IGSF5: variants seen among roughly 807,000 people sequenced by gnomAD.
The protein encoded by IGSF5 is immunoglobulin superfamily 5 like.
IGSF5 carries 41 observed loss-of-function variants against 39.4 expected under a neutral mutation model. That is an observed-to-expected ratio of 1.04 (90% CI 0.81 to 1.35). IGSF5 has a LOEUF of 1.35. Among genes scored for constraint, IGSF5 ranks in the 40% most tolerant of loss-of-function variants. The pLI, the probability that IGSF5 is intolerant of heterozygous loss-of-function variation, is 0.00. For missense variants in IGSF5, 487 were observed against 494.6 expected, an observed-to-expected ratio of 0.98 and a Z score of 0.15; for synonymous variants, 183 against 175.3, an observed-to-expected ratio of 1.04 and a Z score of -0.34.
the IGSF5 span, among the ~76,000 whole-genome samples, chr21:39,719,926 C>T: frequency 6.6e-5 from 10 of 152,210 alleles, no homozygotes; most frequent in Non-Finnish European, 1.5e-4. Context: ...GGCAATTCGA[C>T]ATGTGGAAAC....
chr21:39,756,089 T>TCAAA (rs10533195), intron 2 of IGSF5, among the ~76,000 whole-genome samples: 17 of 151,354 alleles, frequency 1.1e-4, no homozygotes, highest in African/African-American at 3.9e-4. Context: ...GGACTCGGTC[T>TCAAA]CAAACAAACA....
chr21:39,739,662 C>T, the IGSF5 span, among the ~76,000 whole-genome samples: 2 of 152,094 alleles, frequency 1.3e-5, no homozygotes, highest in African/African-American at 4.8e-5. Context: ...CTAACTGCTT[C>T]CTGCTGGCCT....
chr21:39,760,736 A>C (rs2080057605), intron 2 of IGSF5, among the ~76,000 whole-genome samples: 1 of 152,048 alleles, frequency 6.6e-6, no homozygotes, highest in Non-Finnish European at 1.5e-5. Context: ...ACGCCCAGCT[A>C]ATTTTTTGTA....
intron 3 of IGSF5, among the ~76,000 whole-genome samples, chr21:39,767,572 T>C (rs2080093102): frequency 6.6e-6 from 1 of 152,222 alleles, no homozygotes; most frequent in South Asian, 2.1e-4. Context: ...ACCTGGCTCA[T>C]AGCAATCACT....
intron 4 of IGSF5, among the ~76,000 whole-genome samples, chr21:39,774,916 G>A (rs927677468): frequency 3.3e-5 from 5 of 152,178 alleles, no homozygotes; most frequent in Non-Finnish European, 4.4e-5. Flanking sequence ...AAACTTCAGG[G>A]CTCAGTTTTC....
At chr21:39,722,399 C>G in the IGSF5 span, 20,066 of 152,070 alleles carry the variant, frequency 0.13, 2,017 homozygotes, top group African/African-American at 0.27. Context: ...GATTTGGACA[C>G]TGAAATATGA....
At position 39,770,957 on chromosome 21, in the gene IGSF5, G is replaced by A. The variant is rs201139705; in HGVS notation, c.460G>A (p.Ala154Thr). 19 of 1,599,012 alleles carry A rather than the reference G, an allele frequency of 1.2e-5. No individual in the cohort carries two copies. Among genetic ancestry groups the A allele is most frequent in the African/African-American group, 9.4e-5 (7 of 74,664 alleles). Reference protein sequence around the residue: ...LFIPSVNLVVAENEPCEVTCL... With the variant: ...LFIPSVNLVVTENEPCEVTCL... ...CATTCCCAGTGTTAATCTTGTAGTC[G>A]CTGAGAATGAACCTTGTGAAGTTAC... Residue 154 changes from alanine to threonine, a missense_variant, in exon 4 of 9, where the codon GCT becomes ACT. Ala to Thr is a moderately conservative substitution (Grantham distance 58). Coordinates refer to ENST00000380588, the MANE Select transcript of IGSF5 (RefSeq NM_001080444.2).
At chr21:39,789,493 T>C (rs1024892275) in intron 6 of IGSF5, among the ~76,000 whole-genome samples, 1 of 152,166 alleles carries the variant, frequency 6.6e-6, no homozygotes, top group Non-Finnish European at 1.5e-5. Flanking sequence ...AGAGGGATAA[T>C]GGGGGTTGCC....
At chr21:39,733,438 GA>G in the IGSF5 span, among the ~76,000 whole-genome samples, 1 of 152,140 alleles carries the variant, frequency 6.6e-6, no homozygotes, top group Non-Finnish European at 1.5e-5. Context: ...TTCTAATAGC[GA>G]AAGTGGTGCA....
chr21:39,744,109 G>A (rs1052306569), upstream of IGSF5, among the ~76,000 whole-genome samples: 15 of 152,150 alleles, frequency 9.9e-5, no homozygotes, highest in Admixed American at 2.6e-4. Context: ...TCTGCTTATC[G>A]GATTAGTTAC....
chr21:39,775,146 A>C (rs74321012), intron 4 of IGSF5, among the ~76,000 whole-genome samples: 5,998 of 152,256 alleles, frequency 0.039, 407 homozygotes, highest in African/African-American at 0.13. Context: ...AACTGAAAAA[A>C]AAAATCTCTA....
intron 5 of IGSF5, among the ~76,000 whole-genome samples, chr21:39,786,329 T>C (rs936523158): frequency 1.3e-4 from 19 of 151,130 alleles, no homozygotes; most frequent in African/African-American, 4.6e-4. Flanking sequence ...AAAGAAGACA[T>C]TTATGCAGCC....
the IGSF5 span, among the ~76,000 whole-genome samples, chr21:39,726,367 A>G: frequency 1.7e-4 from 26 of 152,192 alleles, no homozygotes; most frequent in African/African-American, 6.3e-4. Flanking sequence ...GGAGTCTACA[A>G]AGGCTGGGAT....
the IGSF5 span, among the ~76,000 whole-genome samples, chr21:39,739,173 G>A: frequency 0.29 from 43,375 of 151,628 alleles, 7,810 homozygotes; most frequent in South Asian, 0.5. Flanking sequence ...CAAGTGATCC[G>A]CCCACTTCGA....
At chr21:39,782,281 C>T (rs1601137131) in intron 5 of IGSF5, among the ~76,000 whole-genome samples, 1 of 152,252 alleles carries the variant, frequency 6.6e-6, no homozygotes, top group East Asian at 1.9e-4. Flanking sequence ...TGCCTTGTAG[C>T]TTTCCGTTTT....
intron 3 of IGSF5, among the ~76,000 whole-genome samples, chr21:39,766,284 T>C (rs2080087258): frequency 6.6e-6 from 1 of 152,232 alleles, no homozygotes; most frequent in African/African-American, 2.4e-5. Flanking sequence ...CACTTCCCCT[T>C]TGAATCCATT....
chr21:39,712,338 G>A, the IGSF5 span, among the ~76,000 whole-genome samples: 1 of 152,274 alleles, frequency 6.6e-6, no homozygotes, highest in South Asian at 2.1e-4. Flanking sequence ...GGGTCCCTGG[G>A]TCCAAAGGCA....
upstream of IGSF5, among the ~76,000 whole-genome samples, chr21:39,742,441 C>T (rs941833597): frequency 6.6e-6 from 1 of 152,210 alleles, no homozygotes; most frequent in Non-Finnish European, 1.5e-5. Context: ...CAGTTAACCT[C>T]TTGGCTCTCA....
intron 4 of IGSF5, among the ~76,000 whole-genome samples, chr21:39,774,235 G>A (rs1306597755): frequency 3.9e-5 from 6 of 152,198 alleles, no homozygotes; most frequent in African/African-American, 1.4e-4. Flanking sequence ...CTTGGTTGGC[G>A]GAGCTGGTGA....
Sources: allele counts gnomAD v4.1 joint callset (sites outside exome capture counted in the v4.1 genomes callset), GRCh38; gene constraint gnomAD v4.1.1; transcripts MANE v1.5; gene names NCBI Gene and HGNC (gene_info 2026-07-23, HGNC 2026-07-21).